Variants in DAP observed in about 807,000 individuals in gnomAD.
DAP encodes the protein death-associated protein 1.
In DAP, 8 loss-of-function variants were observed where a neutral mutation model predicts 13.8. The observed-to-expected ratio is 0.58, with a 90% CI of 0.34 to 1.05. The LOEUF (loss-of-function observed/expected upper bound fraction) is 1.05. DAP is among the 50% of genes least tolerant of loss of function. DAP has a pLI of 0.03. For synonymous variants in DAP, 47 were observed against 47.5 expected (o/e 0.99, Z 0.04); for missense variants, 106 against 133.2 (o/e 0.80, Z 1.01).
At chr5:10,739,516 C>T (rs1739703679) in intron 2 of DAP, among the ~76,000 whole-genome samples, 1 of 151,978 alleles carries the variant, frequency 6.6e-6, no homozygotes, top group Non-Finnish European at 1.5e-5. Flanking sequence ...CTAGGCCTCA[C>T]CCAGGACCAA....
intron 2 of DAP, among the ~76,000 whole-genome samples, chr5:10,746,927 C>T (rs1488341181): frequency 6.6e-6 from 1 of 152,190 alleles, no homozygotes; most frequent in East Asian, 1.9e-4. Flanking sequence ...AAGCCTAGCC[C>T]GCTGAGCACT....
In DAP at chr5:10,681,091, G is replaced by C. The variant is rs200643170; in HGVS notation, c.274C>G (p.Pro92Ala). The change falls in exon 4 of 4, where the codon CCA becomes GCA. Residue 92 changes from proline to alanine, a missense_variant. Physicochemically the swap from Pro to Ala is conservative, Grantham distance 27. Transcript: ENST00000230895. The part of the protein sequence containing the change: ...PHASMDKHPS[P>A]RTQHIQQPRK Reference sequence around the variant, plus strand: ...GGCTGCTGGATGTGCTGGGTTCTTGGGGAAGGATGCTTGTCCATGGAGGCA... The same window carrying C: ...GGCTGCTGGATGTGCTGGGTTCTTGCGGAAGGATGCTTGTCCATGGAGGCA... 1 of 1,596,506 alleles carries C rather than the reference G, an allele frequency of 6.3e-7. No individual in the cohort carries two copies.
chr5:10,727,118 T>C (rs571003048), intron 2 of DAP, among the ~76,000 whole-genome samples: 1 of 152,332 alleles, frequency 6.6e-6, no homozygotes, highest in Admixed American at 6.5e-5. Flanking sequence ...ACGAACATTA[T>C]TAACTTGGCT....
At chr5:10,722,537 TATAC>T (rs1295585269) in intron 2 of DAP, among the ~76,000 whole-genome samples, 1 of 149,116 alleles carries the variant, frequency 6.7e-6, no homozygotes, top group East Asian at 1.9e-4. Context: ...CATGCATATA[TATAC>T]ATATATACAT....
chr5:10,713,761 G>T (rs865941434), intron 2 of DAP, among the ~76,000 whole-genome samples: 1 of 152,248 alleles, frequency 6.6e-6, no homozygotes, highest in African/African-American at 2.4e-5. Context: ...GCGGGGCTGG[G>T]CAAGTGCTGC....
intron 2 of DAP, among the ~76,000 whole-genome samples, chr5:10,731,264 G>A (rs1358594177): frequency 6.7e-6 from 1 of 148,426 alleles, no homozygotes; most frequent in Admixed American, 6.7e-5. Context: ...GAGCCCTGGT[G>A]GGGGGAATCT....
In DAP at chr5:10,687,905, C is replaced by CTTTTT. The variant is rs1199947263; in HGVS notation, c.153-4339_153-4335dup. 6.9e-3 allele frequency among the ~76,000 whole-genome samples: 759 copies of CTTTTT among 110,636 alleles called. 25 individuals carry two copies. Among genetic ancestry groups the CTTTTT allele is most frequent in the African/African-American group, 0.027 (699 of 26,010 alleles). 72.6% of individuals were successfully genotyped at this position (110,636 alleles called of 152,430 possible). A position where few individuals can be genotyped will look rare whatever the true frequency, so the allele number is the denominator to read the frequency against. On this transcript the variant is annotated intron_variant, in intron 2 of 3. Transcript: ENST00000230895. The stretch of plus-strand genomic sequence containing the variant: ...TCTATGTCACAAACTTCATTGTTGT[C>CTTTTT]TTTTTTTTTTTTTTTTTTTTTTTAC...
At chr5:10,703,153 T>C (rs1004157000) in intron 2 of DAP, among the ~76,000 whole-genome samples, 5 of 152,252 alleles carry the variant, frequency 3.3e-5, no homozygotes, top group African/African-American at 9.6e-5. Flanking sequence ...CTGTGAGGAA[T>C]GACTCACTCT....
chr5:10,717,606 T>G (rs887878962), intron 2 of DAP, among the ~76,000 whole-genome samples: 29 of 152,202 alleles, frequency 1.9e-4, no homozygotes, highest in Non-Finnish European at 8.8e-5. Flanking sequence ...GGAACAGTGA[T>G]GACCTCTTCT....
intron 2 of DAP, among the ~76,000 whole-genome samples, chr5:10,746,248 C>T (rs1163926138): frequency 6.6e-6 from 1 of 151,972 alleles, no homozygotes; most frequent in Non-Finnish European, 1.5e-5. Flanking sequence ...TGTGAACTTA[C>T]AGGAGAGTTG....
rs182152938 is a variant in DAP at position 10,705,105 on chromosome 5, T to C, written c.153-21534A>G. Among the ~76,000 whole-genome samples, 3 of 152,272 alleles carry C rather than the reference T, an allele frequency of 2.0e-5. No homozygotes were observed. The East Asian group carries it at 5.8e-4, about 29-fold the overall frequency. On this transcript the variant is annotated intron_variant, in intron 2 of 3. Transcript: ENST00000230895. The stretch of plus-strand genomic sequence containing the variant: ...TCTGAGAGACTGAAATGCCCCTTAG[T>C]GTAATGGGGCTCTGAGTCATCTTAA...
intron 1 of DAP, among the ~76,000 whole-genome samples, chr5:10,755,937 C>T (rs1740172158): frequency 6.6e-6 from 1 of 152,216 alleles, no homozygotes; most frequent in African/African-American, 2.4e-5. Context: ...CGCTTGAGCC[C>T]AGGAGTTTGA....
intron 2 of DAP, among the ~76,000 whole-genome samples, chr5:10,712,452 A>G (rs6898580): frequency 0.09 from 13,760 of 152,174 alleles, 846 homozygotes; most frequent in African/African-American, 0.18. Context: ...AAGGACCGGC[A>G]CAATTCAGGG....
intron 2 of DAP, among the ~76,000 whole-genome samples, chr5:10,730,677 G>T (rs527542137): frequency 2.6e-4 from 33 of 124,810 alleles, no homozygotes; most frequent in African/African-American, 6.2e-4. Context: ...GAGCCCTGGT[G>T]GGGGGGAATC....
chr5:10,695,650 C>T (rs1414706420), intron 2 of DAP, among the ~76,000 whole-genome samples: 5 of 152,174 alleles, frequency 3.3e-5, no homozygotes, highest in South Asian at 2.1e-4. Context: ...GAGGCTGGGA[C>T]GGCAATCTGC....
intron 2 of DAP, among the ~76,000 whole-genome samples, chr5:10,717,003 T>C (rs973774878): frequency 6.6e-6 from 1 of 152,210 alleles, no homozygotes; most frequent in African/African-American, 2.4e-5. Context: ...GGAAACTGTT[T>C]AGACTTATGC....
At chr5:10,717,626 G>T (rs1333210170) in intron 2 of DAP, among the ~76,000 whole-genome samples, 1 of 152,156 alleles carries the variant, frequency 6.6e-6, no homozygotes, top group Non-Finnish European at 1.5e-5. Context: ...TGAGGCAGTT[G>T]CCAGGCAAGA....
intron 2 of DAP, among the ~76,000 whole-genome samples, chr5:10,699,298 C>T (rs938661939): frequency 1.2e-4 from 18 of 152,242 alleles, no homozygotes; most frequent in African/African-American, 4.3e-4. Flanking sequence ...CCTACTTTTT[C>T]CTGCCTGTCC....
chr5:10,681,227 G>A, intron 3 of DAP, 58 bp from the exon 4 acceptor site: 1 of 1,366,040 alleles, frequency 7.3e-7, no homozygotes, highest in Non-Finnish European at 9.8e-7. Context: ...GTTTGTGGGT[G>A]AGGAAGCCCC....
Sources: gnomAD v4.1 joint callset for allele counts (sites outside exome capture counted in the v4.1 genomes callset) on GRCh38, gnomAD v4.1.1 for gene constraint, MANE v1.5 for transcripts, NCBI Gene and HGNC (gene_info 2026-07-23, HGNC 2026-07-21) for gene names.